The following SORCS2 variants were observed in gnomAD, a reference collection of about 807,000 sequenced individuals.
The protein encoded by SORCS2 is VPS10 domain-containing receptor SorCS2.
SORCS2 carries 100 observed loss-of-function variants against 141.6 expected under a neutral mutation model. That is an observed-to-expected ratio of 0.71 (90% CI 0.60 to 0.83). The LOEUF is 0.83. Ranked by LOEUF, SORCS2 falls within the 40% of genes least tolerant of loss-of-function variation. The probability of loss-of-function intolerance (pLI) is 0.00; values close to 1 mark genes in which losing one functional copy is unlikely to be tolerated. For missense variants in SORCS2, 1,646 were observed against 1,560.2 expected, an observed-to-expected ratio of 1.05 and a Z score of -0.93; for synonymous variants, 789 against 676.9, an observed-to-expected ratio of 1.17 and a Z score of -2.57.
At chr4:7,202,881 C>G (rs1168936535) in intron 1 of SORCS2, among the ~76,000 whole-genome samples, 1 of 152,070 alleles carries the variant, frequency 6.6e-6, no homozygotes, top group African/African-American at 2.4e-5. Flanking sequence ...TTACATGGAA[C>G]TGCTGATTAG....
intron 2 of SORCS2, among the ~76,000 whole-genome samples, chr4:7,455,819 T>C (rs548061463): frequency 8.5e-5 from 13 of 152,242 alleles, no homozygotes; most frequent in African/African-American, 3.1e-4. Context: ...TCAGGCTCTG[T>C]GTTGGGGTCA....
intron 2 of SORCS2, among the ~76,000 whole-genome samples, chr4:7,507,006 G>A (rs1732312633): frequency 6.6e-6 from 1 of 152,186 alleles, no homozygotes; most frequent in Non-Finnish European, 1.5e-5. Context: ...GCCAGCAGCT[G>A]TCACAGGAAC....
chr4:7,484,104 A>G (rs1000497888), intron 2 of SORCS2, among the ~76,000 whole-genome samples: 3 of 152,196 alleles, frequency 2.0e-5, no homozygotes, highest in East Asian at 3.9e-4. Flanking sequence ...TAGAAAACAC[A>G]GTGCAATAAG....
chr4:7,202,482 T>C (rs974850496), intron 1 of SORCS2, among the ~76,000 whole-genome samples: 1 of 152,230 alleles, frequency 6.6e-6, no homozygotes, highest in African/African-American at 2.4e-5. Flanking sequence ...TTAATTAGTT[T>C]CTTCTCACAC....
chr4:7,621,489 ATG>A (rs771270376), intron 3 of SORCS2, among the ~76,000 whole-genome samples: 2 of 139,736 alleles, frequency 1.4e-5, no homozygotes, highest in African/African-American at 2.7e-5. Flanking sequence ...GTGTGTTTAT[ATG>A]TGTGTCTATG....
rs1047708480 is a variant in SORCS2, at chr4:7,467,892, C to G, written c.549-63638C>G. On this transcript the variant is annotated intron_variant, in intron 2 of 26. Transcript: ENST00000507866. Reference sequence around the variant, plus strand: ...TCTGCTGGTGTGTCCCTGGGAGGCTCAAGCCCCTTGGCCTCTTTATCACAG... The same window carrying G: ...TCTGCTGGTGTGTCCCTGGGAGGCTGAAGCCCCTTGGCCTCTTTATCACAG... Among the ~76,000 whole-genome samples, 4 of 152,242 alleles carry G rather than the reference C, an allele frequency of 2.6e-5. No individual in the cohort carries two copies. In the East Asian group the frequency reaches 7.7e-4, roughly 29 times the overall value.
At chr4:7,655,078 G>C (rs974423004) in intron 5 of SORCS2, among the ~76,000 whole-genome samples, 1 of 152,158 alleles carries the variant, frequency 6.6e-6, no homozygotes, top group African/African-American at 2.4e-5. Flanking sequence ...CAGTGCAGCC[G>C]TTCAGAACTC....
At chr4:7,288,204 A>T (rs1377871262) in intron 1 of SORCS2, among the ~76,000 whole-genome samples, 1 of 152,156 alleles carries the variant, frequency 6.6e-6, no homozygotes, top group Non-Finnish European at 1.5e-5. Flanking sequence ...TGTCCTCAGG[A>T]TGAGCACCTG....
chr4:7,245,649 C>T (rs1325107044), intron 1 of SORCS2, among the ~76,000 whole-genome samples: 1 of 152,168 alleles, frequency 6.6e-6, no homozygotes, highest in Non-Finnish European at 1.5e-5. Flanking sequence ...TCAGCCATTG[C>T]TATTGGTGGT....
rs184361798 is a variant in SORCS2 at position 7,658,444 on chromosome 4, T to G, written c.888-3056T>G. On this transcript the variant is annotated intron_variant, in intron 5 of 26. Transcript: ENST00000507866. ...GTATTGCTGGTGGAGGGCCTGCTGCTGAAGGGAACAATGCCTGTCTGTATT... is the reference window on the plus strand; with the variant it reads ...GTATTGCTGGTGGAGGGCCTGCTGCGGAAGGGAACAATGCCTGTCTGTATT... Among the ~76,000 whole-genome samples, 3 of 152,288 alleles carry G rather than the reference T, an allele frequency of 2.0e-5. No individual in the cohort carries two copies. The East Asian group carries it at 5.8e-4, about 29-fold the overall frequency.
rs1368644247 is a variant in SORCS2 at position 7,718,171 on chromosome 4, G to A, written c.2412G>A (p.Val804=). ...VRPGEDVLFV[V]RQEQGDVLTT... ...CTGGAGAGGACGTCCTGTTTGTGGT[G>A]CGGCAGGAGCAGGTGAGTGAGCACC... Residue 804 remains valine, a synonymous_variant, in exon 18 of 27, where the codon GTG becomes GTA. Coordinates refer to ENST00000507866, the MANE Select transcript of SORCS2 (RefSeq NM_020777.3). 1.2e-6 allele frequency: 2 copies of A among 1,610,408 alleles called. No homozygotes were observed. The highest frequency in any genetic ancestry group is 8.5e-7 in the Non-Finnish European group (1 of 1,179,264).
intron 2 of SORCS2, among the ~76,000 whole-genome samples, chr4:7,513,923 G>T (rs899296354): frequency 1.3e-5 from 2 of 152,352 alleles, no homozygotes; most frequent in East Asian, 1.9e-4. Flanking sequence ...CTGGAGGCGG[G>T]TGACGTGGTC....
At position 7,390,494 on chromosome 4, in the gene SORCS2, C is replaced by A. The variant is rs897224653; in HGVS notation, c.481-5794C>A. 5.3e-5 allele frequency among the ~76,000 whole-genome samples: 8 copies of A among 152,292 alleles called. 1 individual carries two copies. In the South Asian group the frequency reaches 1.7e-3, roughly 32 times the overall value. On this transcript the variant is annotated intron_variant, in intron 1 of 26. Coordinates refer to ENST00000507866, the MANE Select transcript of SORCS2 (RefSeq NM_020777.3). ...AAAGACGAAGCTTGGGGGAACTGGG[C>A]GCTCATGCAGGGCCAGGGTTCAGGC... is the stretch of plus-strand genomic sequence containing the variant.
intron 3 of SORCS2, among the ~76,000 whole-genome samples, chr4:7,547,812 T>C (rs1713379656): frequency 6.6e-6 from 1 of 152,238 alleles, no homozygotes; most frequent in Non-Finnish European, 1.5e-5. Flanking sequence ...GCAGGAACTC[T>C]GTCTCTTGCC....
chr4:7,676,027 G>A (rs371055616), intron 8 of SORCS2, 23 bp from the exon 9 acceptor site: 37 of 1,562,108 alleles, frequency 2.4e-5, no homozygotes, highest in Middle Eastern at 1.7e-4. Flanking sequence ...CTCTGACCCT[G>A]TGCTCCCTGC....
At chr4:7,511,925 C>T (rs145136495) in intron 2 of SORCS2, among the ~76,000 whole-genome samples, 2 of 152,320 alleles carry the variant, frequency 1.3e-5, no homozygotes, top group Admixed American at 1.3e-4. Flanking sequence ...CAAATCCCAC[C>T]CTTTCTCCCT....
At chr4:7,701,967 C>T (rs558277637) in intron 12 of SORCS2, among the ~76,000 whole-genome samples, 116 of 152,312 alleles carry the variant, frequency 7.6e-4, no homozygotes, top group Non-Finnish European at 1.3e-3. Flanking sequence ...AGGGGTCAGC[C>T]GAGCCTCCTT....
intron 17 of SORCS2, among the ~76,000 whole-genome samples, chr4:7,716,931 C>T (rs928420567): frequency 5.3e-5 from 8 of 152,240 alleles, no homozygotes; most frequent in African/African-American, 1.9e-4. Context: ...TGAAATGGGC[C>T]TGTGCATGAT....
intron 1 of SORCS2, among the ~76,000 whole-genome samples, chr4:7,254,981 G>A (rs1713752614): frequency 6.6e-6 from 1 of 152,138 alleles, no homozygotes; most frequent in African/African-American, 2.4e-5. Flanking sequence ...GAGAGCATGG[G>A]TGGGAGGTGT....
Sources: allele counts gnomAD v4.1 joint callset (sites outside exome capture counted in the v4.1 genomes callset), GRCh38; gene constraint gnomAD v4.1.1; transcripts MANE v1.5; gene names NCBI Gene and HGNC (gene_info 2026-07-23, HGNC 2026-07-21).